DRC11: variants seen among roughly 807,000 people sequenced by gnomAD.
The protein encoded by DRC11 is dynein regulatory complex subunit 11, also known as IQ and AAA domain-containing protein 1.
At chr2:236,431,078 C>A in the DRC11 span, among the ~76,000 whole-genome samples, 1 of 152,090 alleles carries the variant, frequency 6.6e-6, no homozygotes, top group African/African-American at 2.4e-5. The surrounding 1 kb of genome is among the most constrained non-coding windows in gnomAD (Gnocchi z 4.2). Context: ...TTCAAGTGTG[C>A]AATTCAATAA....
At chr2:236,453,672 C>T in the DRC11 span, among the ~76,000 whole-genome samples, 2 of 151,900 alleles carry the variant, frequency 1.3e-5, no homozygotes, top group Admixed American at 6.6e-5. The surrounding 1 kb of genome is among the most constrained non-coding windows in gnomAD (Gnocchi z 4.9). Flanking sequence ...TGGAGTCTCA[C>T]TCTGTCGCCC....
chr2:236,417,929 T>C, the DRC11 span, among the ~76,000 whole-genome samples: 3 of 152,216 alleles, frequency 2.0e-5, no homozygotes, highest in South Asian at 4.1e-4. Context: ...TATGGCTGCA[T>C]AGTATTCCAT....
At chr2:236,359,330 G>C in the DRC11 span, among the ~76,000 whole-genome samples, 5 of 152,046 alleles carry the variant, frequency 3.3e-5, no homozygotes, top group African/African-American at 1.2e-4. This position sits in a 1 kb window ranked among gnomAD's most constrained non-coding sequence, Gnocchi z 4.3. Flanking sequence ...GTTACTGTTT[G>C]TAAAATAAAT....
At chr2:236,484,629 C>T in the DRC11 span, among the ~76,000 whole-genome samples, 1 of 150,560 alleles carries the variant, frequency 6.6e-6, no homozygotes, top group African/African-American at 2.5e-5. Flanking sequence ...AAAGAAATTC[C>T]AAGGGTTGGC....
chr2:236,488,136 G>C, the DRC11 span: 1 of 1,609,630 alleles, frequency 6.2e-7, no homozygotes, highest in Non-Finnish European at 8.5e-7. Flanking sequence ...TGCCCTCTCA[G>C]CAATCTGGAT....
At chr2:236,396,960 G>A in the DRC11 span, among the ~76,000 whole-genome samples, 1 of 152,194 alleles carries the variant, frequency 6.6e-6, no homozygotes, top group Non-Finnish European at 1.5e-5. Context: ...AAGGGTGGGC[G>A]CGGGCAGAGG....
At chr2:236,421,678 G>A in the DRC11 span, among the ~76,000 whole-genome samples, 1 of 152,276 alleles carries the variant, frequency 6.6e-6, no homozygotes. Context: ...CTAATCAATA[G>A]AAAAAGAGGG....
chr2:236,346,197 G>C, the DRC11 span, among the ~76,000 whole-genome samples: 2 of 152,230 alleles, frequency 1.3e-5, no homozygotes, highest in Admixed American at 1.3e-4. Context: ...CCAGTGTGGT[G>C]TGATAACTGC....
At chr2:236,479,069 C>G in the DRC11 span, among the ~76,000 whole-genome samples, 199 of 152,298 alleles carry the variant, frequency 1.3e-3, 1 homozygote, top group African/African-American at 4.5e-3. The surrounding 1 kb of genome is among the most constrained non-coding windows in gnomAD (Gnocchi z 4.1). Flanking sequence ...AAATGATCCA[C>G]GCACCTTGGC....
the DRC11 span, chr2:236,407,778 AT>A: frequency 0.21 from 50,976 of 246,422 alleles, 3,069 homozygotes; most frequent in Non-Finnish European, 0.24. Context: ...TTCACTCCTC[AT>A]TTTTTTTTTT....
chr2:236,427,521 G>A, the DRC11 span, among the ~76,000 whole-genome samples: 1 of 151,754 alleles, frequency 6.6e-6, no homozygotes, highest in Non-Finnish European at 1.5e-5. The surrounding 1 kb of genome is among the most constrained non-coding windows in gnomAD (Gnocchi z 5.9). Context: ...TTTCTTCTAG[G>A]CTAATGAATT....
At chr2:236,334,892 G>A in the DRC11 span, among the ~76,000 whole-genome samples, 1 of 152,118 alleles carries the variant, frequency 6.6e-6, no homozygotes, top group Non-Finnish European at 1.5e-5. The surrounding 1 kb of genome is among the most constrained non-coding windows in gnomAD (Gnocchi z 7.8). Context: ...AGAGGCAAGA[G>A]GAGGAGGGCA....
chr2:236,353,980 G>C, the DRC11 span, among the ~76,000 whole-genome samples: 1 of 152,060 alleles, frequency 6.6e-6, no homozygotes, highest in Admixed American at 6.5e-5. The surrounding 1 kb of genome is among the most constrained non-coding windows in gnomAD (Gnocchi z 5.0). Context: ...TTATGTACTT[G>C]CGGAGGTTAC....
At chr2:236,402,429 T>A in the DRC11 span, among the ~76,000 whole-genome samples, 1 of 152,206 alleles carries the variant, frequency 6.6e-6, no homozygotes, top group Non-Finnish European at 1.5e-5. This position sits in a 1 kb window ranked among gnomAD's most constrained non-coding sequence, Gnocchi z 6.0. Context: ...GTCCACTGTG[T>A]CTTTCAGCTT....
chr2:236,310,756 C>T, the DRC11 span, among the ~76,000 whole-genome samples: 8 of 152,186 alleles, frequency 5.3e-5, no homozygotes, highest in East Asian at 3.8e-4. The surrounding 1 kb of genome is among the most constrained non-coding windows in gnomAD (Gnocchi z 5.5). Flanking sequence ...TGTCACAGGA[C>T]GTGGGCATTG....
At chr2:236,463,148 A>AT in the DRC11 span, among the ~76,000 whole-genome samples, 1 of 152,198 alleles carries the variant, frequency 6.6e-6, no homozygotes, top group Non-Finnish European at 1.5e-5. This position sits in a 1 kb window ranked among gnomAD's most constrained non-coding sequence, Gnocchi z 5.0. Context: ...ACTATGATAT[A>AT]TTTCTAACAG....
At chr2:236,441,513 C>T in the DRC11 span, among the ~76,000 whole-genome samples, 3 of 151,928 alleles carry the variant, frequency 2.0e-5, no homozygotes, top group African/African-American at 4.8e-5. Context: ...GGAAATTACA[C>T]AGTTAGTAAT....
At chr2:236,428,711 G>A in the DRC11 span, among the ~76,000 whole-genome samples, 28 of 152,112 alleles carry the variant, frequency 1.8e-4, no homozygotes, top group Admixed American at 1.7e-3. Context: ...TCTTTTGATT[G>A]GAGAATTTAA....
the DRC11 span, among the ~76,000 whole-genome samples, chr2:236,353,821 G>A: frequency 6.6e-6 from 1 of 152,020 alleles, no homozygotes. The surrounding 1 kb of genome is among the most constrained non-coding windows in gnomAD (Gnocchi z 5.0). Flanking sequence ...GAGGGTGCAG[G>A]GGCGTAAGGC....
Sources: allele counts gnomAD v4.1 joint callset (sites outside exome capture counted in the v4.1 genomes callset), GRCh38; gene constraint gnomAD v4.1.1; non-coding constraint Gnocchi (gnomAD v3.1); transcripts MANE v1.5; gene names NCBI Gene and HGNC (gene_info 2026-07-23, HGNC 2026-07-21).